The following ZNF446 variants were observed in gnomAD, a reference collection of about 807,000 sequenced individuals.
The protein encoded by ZNF446 is zinc finger protein 446, also known as zinc finger protein with KRAB and SCAN domains 20.
A neutral mutation model predicts 34.0 loss-of-function variants in ZNF446; 42 were observed. The ratio of observed to expected loss-of-function variants is 1.23; its 90% CI spans 0.96 to 1.60. The LOEUF is 1.60. ZNF446 is among the 40% of genes most tolerant of loss of function. The probability of loss-of-function intolerance (pLI) is 0.00; values close to 1 mark genes in which losing one functional copy is unlikely to be tolerated. For missense variants in ZNF446, 650 were observed against 600.2 expected, an observed-to-expected ratio of 1.08 and a Z score of -0.87; for synonymous variants, 315 against 251.0, an observed-to-expected ratio of 1.25 and a Z score of -2.41.
At chr19:58,485,966 G>T (rs558194443), downstream of ZNF446, among the ~76,000 whole-genome samples, 33 of 152,188 alleles carry the variant, frequency 2.2e-4, no homozygotes, top group African/African-American at 7.2e-4. Flanking sequence ...GTCACCCGGG[G>T]TGAAGTGTAG....
the ZNF446 span, among the ~76,000 whole-genome samples, chr19:58,489,204 T>C: frequency 6.6e-6 from 1 of 152,208 alleles, no homozygotes; most frequent in Non-Finnish European, 1.5e-5. Context: ...TTAGAAACTC[T>C]GGTTTAGGAG....
downstream of ZNF446, among the ~76,000 whole-genome samples, chr19:58,484,290 A>AAC (rs2053158079): frequency 6.7e-6 from 1 of 148,924 alleles, no homozygotes. Context: ...AAAAAAAAAA[A>AAC]AAAACACACA....
chr19:58,480,782 C>G lies in ZNF446; in HGVS notation c.*56C>G. On this transcript the variant is annotated 3_prime_UTR_variant, in exon 7 of 7. Transcript: ENST00000594369. The surrounding 1 kb of genome is among the most constrained non-coding windows in gnomAD (Gnocchi z 7.2). ...CGGTGTTCTCGGGGCCTGGATACAG[C>G]CTCTGGGGCACCAGCAGAAGACTCT... 6.5e-7 allele frequency: 1 copy of G among 1,549,034 alleles called. No individual in the cohort carries two copies. Among genetic ancestry groups the G allele is most frequent in the African/African-American group, 1.4e-5 (1 of 73,816 alleles).
At chr19:58,477,590 G>A (rs941204491) in intron 2 of ZNF446, 30 bp downstream of exon 2, 2 of 1,613,062 alleles carry the variant, frequency 1.2e-6, no homozygotes, top group African/African-American at 1.3e-5. Flanking sequence ...GCTTCTTGGA[G>A]GGATAGACCC....
downstream of ZNF446, among the ~76,000 whole-genome samples, chr19:58,485,764 G>C (rs2053165523): frequency 6.6e-6 from 1 of 151,854 alleles, no homozygotes; most frequent in African/African-American, 2.4e-5. Flanking sequence ...TTTTTTGGTA[G>C]AGACAGGGTC....
At chr19:58,476,741 T>G (rs1847676863) in intron 1 of ZNF446, among the ~76,000 whole-genome samples, 1 of 151,852 alleles carries the variant, frequency 6.6e-6, no homozygotes. Flanking sequence ...TCCCCGAGAT[T>G]GTGGAGGGCG....
At chr19:58,483,932 C>T (rs1394797455), downstream of ZNF446, 3 of 152,134 alleles carry the variant, frequency 2.0e-5, no homozygotes, top group Non-Finnish European at 4.4e-5. Context: ...TTTCTTGTTC[C>T]CTCCTCACCC....
Position 58,478,078 on chromosome 19 carries a change from A to C in ZNF446, c.533-9A>C, listed in dbSNP as rs561870851. On this transcript the variant is annotated splice_polypyrimidine_tract_variant and intron_variant, in intron 3 of 6. Transcript: ENST00000594369. Reference sequence around the variant, plus strand: ...CTGACACCACCCTTCCATCTGCCCCACTTTTCAGCACCCTCCAGCCCTCCA... The same window carrying C: ...CTGACACCACCCTTCCATCTGCCCCCCTTTTCAGCACCCTCCAGCCCTCCA... 6.2e-6 allele frequency: 10 copies of C among 1,608,420 alleles called. No individual in the cohort carries two copies. The East Asian group carries it at 2.0e-4, about 32-fold the overall frequency.
At chr19:58,479,765 G>A (rs1442962348) in intron 5 of ZNF446, 38 bp downstream of exon 5, 14 of 1,597,436 alleles carry the variant, frequency 8.8e-6, no homozygotes, top group Non-Finnish European at 1.2e-5. Context: ...CCTCTCCCTG[G>A]GGCCTGCACC....
At chr19:58,488,984 C>G in the ZNF446 span, among the ~76,000 whole-genome samples, 2 of 152,124 alleles carry the variant, frequency 1.3e-5, no homozygotes, top group African/African-American at 4.8e-5. Flanking sequence ...TGAAAGAGAT[C>G]TGACTAAATC....
rs1430370181 is a variant in ZNF446, at chr19:58,480,564, TGAG to T, written c.1195_1197del (p.Glu399del). On this transcript the variant is annotated inframe_deletion, in exon 7 of 7. Coordinates refer to ENST00000594369, the MANE Select transcript of ZNF446 (RefSeq NM_017908.4). The surrounding 1 kb of genome is among the most constrained non-coding windows in gnomAD (Gnocchi z 7.2). Reference sequence around the variant, plus strand: ...TCACAGGCCCCCGGAGTTACCCGTGTGAGGAGTGCGGGTGCAGCTTCAGCTGGA... The same window carrying T: ...TCACAGGCCCCCGGAGTTACCCGTGTGAGTGCGGGTGCAGCTTCAGCTGGA... The T allele has an allele frequency of 1.1e-5, 17 of 1,612,760 alleles. No homozygotes were observed. Among genetic ancestry groups the T allele is most frequent in the Non-Finnish European group, 1.4e-5 (17 of 1,179,900 alleles).
rs1368576208 is a variant in ZNF446 at position 58,480,207 on chromosome 19, A to G, written c.834A>G (p.Pro278=). 1.9e-6 allele frequency: 3 copies of G among 1,596,500 alleles called. No homozygotes were observed. The highest frequency in any genetic ancestry group is 2.2e-5 in the East Asian group (1 of 44,760). ...GNESEGPPGC[P]EAQPPQGPGP... Reference sequence around the variant, plus strand: ...AGAGTGAGGGTCCACCTGGCTGCCCAGAGGCCCAGCCGCCCCAGGGCCCAG... The same window carrying G: ...AGAGTGAGGGTCCACCTGGCTGCCCGGAGGCCCAGCCGCCCCAGGGCCCAG... Residue 278 remains proline, a synonymous_variant, in exon 7 of 7, where the codon CCA becomes CCG. Transcript: ENST00000594369. The surrounding 1 kb of genome is among the most constrained non-coding windows in gnomAD (Gnocchi z 7.2).
chr19:58,487,061 G>A, the ZNF446 span, among the ~76,000 whole-genome samples: 1 of 152,022 alleles, frequency 6.6e-6, no homozygotes, highest in Non-Finnish European at 1.5e-5. Context: ...AAAGTGCTGG[G>A]ATTACAGGCG....
downstream of ZNF446, among the ~76,000 whole-genome samples, chr19:58,481,884 C>T (rs1054513351): frequency 2.6e-5 from 4 of 152,182 alleles, no homozygotes; most frequent in African/African-American, 7.2e-5. Context: ...AGCTCTGCCT[C>T]CCGGGTTCAC....
downstream of ZNF446, chr19:58,483,967 T>C (rs371954026): frequency 6.6e-6 from 1 of 152,230 alleles, no homozygotes; most frequent in African/African-American, 2.4e-5. Context: ...CTATGATTAA[T>C]TCTCTTGAGT....
rs375327619 is a variant in ZNF446 at position 58,477,307 on chromosome 19, G to A, written c.89G>A (p.Arg30Gln). The change falls in exon 2 of 7, where the codon CGA becomes CAA. Residue 30 changes from arginine (R) to glutamine (Q), a missense_variant. Coordinates refer to ENST00000594369, the MANE Select transcript of ZNF446 (RefSeq NM_017908.4). The part of the protein sequence containing the change: ...EEPETARLRF[R>Q]GFCYQEVAGP... ...CCTGAGACTGCCCGCCTCCGCTTCC[G>A]AGGGTTCTGCTACCAGGAGGTGGCA... 28 of 1,613,016 alleles carry A rather than the reference G, an allele frequency of 1.7e-5. No individual in the cohort carries two copies. The highest frequency in any genetic ancestry group is 5.3e-5 in the African/African-American group (4 of 74,902).
downstream of ZNF446, among the ~76,000 whole-genome samples, chr19:58,481,807 T>C (rs763432359): frequency 6.7e-6 from 1 of 149,408 alleles, no homozygotes; most frequent in South Asian, 2.1e-4. Flanking sequence ...TGTTTTGTTT[T>C]GTCTGAGATG....
chr19:58,486,851 A>G, the ZNF446 span, among the ~76,000 whole-genome samples: 837 of 150,108 alleles, frequency 5.6e-3, 21 homozygotes, highest in East Asian at 0.083. Flanking sequence ...CGCCCGGGCT[A>G]GAGTGCAGTG....
rs1309028155 is a variant in ZNF446 at position 58,479,935 on chromosome 19, C to T, written c.718C>T (p.Pro240Ser). The T allele has an allele frequency of 1.9e-6, 3 of 1,575,838 alleles. No homozygotes were observed. The highest frequency in any genetic ancestry group is 2.6e-6 in the Non-Finnish European group (3 of 1,163,868). ...KYGTVVSLGL[P>S]PHQPEAQAQS... ...TGTGCCCCCCACCCGGGCAGGGTTACCGCCCCACCAGCCAGAGGCACAGGC... is the reference window on the plus strand; with the variant it reads ...TGTGCCCCCCACCCGGGCAGGGTTATCGCCCCACCAGCCAGAGGCACAGGC... The change falls in exon 6 of 7, where the codon CCG (proline) becomes TCG (serine). Residue 240 changes from proline (P) to serine (S), a missense_variant. Coordinates refer to ENST00000594369, the MANE Select transcript of ZNF446 (RefSeq NM_017908.4).
Sources: allele counts gnomAD v4.1 joint callset (sites outside exome capture counted in the v4.1 genomes callset), GRCh38; gene constraint gnomAD v4.1.1; non-coding constraint Gnocchi (gnomAD v3.1); transcripts MANE v1.5; gene names NCBI Gene and HGNC (gene_info 2026-07-23, HGNC 2026-07-21).